MYO9B: variants seen among roughly 807,000 people sequenced by gnomAD.
MYO9B encodes myosin IXB.
A neutral mutation model predicts 229.5 loss-of-function variants in MYO9B; 71 were observed. That is an observed-to-expected ratio of 0.31 (90% CI 0.26 to 0.38). The LOEUF (loss-of-function observed/expected upper bound fraction) is 0.38. Ranked by LOEUF, MYO9B falls within the 10% of genes least tolerant of loss-of-function variation. The probability of loss-of-function intolerance (pLI) is 1.00; values close to 1 mark genes in which losing one functional copy is unlikely to be tolerated. For synonymous variants in MYO9B, 1,185 were observed against 1,235.8 expected (o/e 0.96, Z 0.86); for missense variants, 2,255 against 2,920.5 (o/e 0.77, Z 5.25).
At chr19:17,089,271 T>TAA (rs111698994) in intron 1 of MYO9B, among the ~76,000 whole-genome samples, 1 of 140,570 alleles carries the variant, frequency 7.1e-6, no homozygotes, top group African/African-American at 2.6e-5. Context: ...GCGTTTCTTC[T>TAA]AAAAAAAAAA....
At chr19:17,170,656 A>C (rs1443148252) in intron 11 of MYO9B, among the ~76,000 whole-genome samples, 1 of 25,850 alleles carries the variant, frequency 3.9e-5, no homozygotes, top group Non-Finnish European at 7.4e-5. Context: ...ACAAAAAAAA[A>C]AAAAAAAAAA....
chr19:17,104,579 C>CT (rs1320050642), intron 2 of MYO9B, among the ~76,000 whole-genome samples: 1 of 152,078 alleles, frequency 6.6e-6, no homozygotes, highest in African/African-American at 2.4e-5. Context: ...TGGGATCTGC[C>CT]TTTTTTTCAT....
rs2072510475 is a variant in MYO9B at position 17,154,058 on chromosome 19, C to T, written c.1090C>T (p.Leu364Phe). ...QLKQPEDYFYLNQHNLKIEDG... is the reference protein window; with the variant it reads ...QLKQPEDYFYFNQHNLKIEDG... ...CAAGCAGCCTGAAGATTATTTCTAC[C>T]TCAACCAGGTAAACAGCCTCAAGCC... The change falls in exon 5 of 40, where the codon CTC (leucine) becomes TTC (phenylalanine). Residue 364 changes from leucine (L) to phenylalanine (F), a missense_variant. Leu to Phe is a conservative substitution (Grantham distance 22, BLOSUM62 0). Around this residue, in one of 7 missense-constraint regions of MYO9B, gnomAD observed 386 missense variants for 515.2 expected, o/e 0.75. Transcript: ENST00000682292. 1 of 1,611,798 alleles carries T rather than the reference C, an allele frequency of 6.2e-7. No homozygotes were observed. The highest frequency in any genetic ancestry group is 8.5e-7 in the Non-Finnish European group (1 of 1,179,434).
chr19:17,153,921 C>T, intron 4 of MYO9B, 46 bp from the exon 5 acceptor site: 2 of 1,447,112 alleles, frequency 1.4e-6, no homozygotes, highest in Non-Finnish European at 1.9e-6. Context: ...GTAGCTATTA[C>T]TTGGCCTCCA....
intron 26 of MYO9B, among the ~76,000 whole-genome samples, chr19:17,201,209 G>A (rs2073103436): frequency 6.6e-6 from 1 of 152,154 alleles, no homozygotes; most frequent in Non-Finnish European, 1.5e-5. Context: ...CTCCAGCCTG[G>A]GTGACAGAGC....
At chr19:17,140,527 T>G (rs1424818798) in intron 2 of MYO9B, among the ~76,000 whole-genome samples, 2 of 151,912 alleles carry the variant, frequency 1.3e-5, no homozygotes, top group African/African-American at 4.8e-5. Flanking sequence ...TCACTCTTAT[T>G]GCCCAGGCTG....
In MYO9B at chr19:17,102,565, G is replaced by A; in HGVS notation, c.840+8G>A. 3 of 1,570,742 alleles carry A rather than the reference G, an allele frequency of 1.9e-6. No homozygotes were observed. Among genetic ancestry groups the A allele is most frequent in the Non-Finnish European group, 2.6e-6 (3 of 1,156,636 alleles). ...GCTGGCCCTGTGCTGGAGGTGAGCG[G>A]GGAAGCTGGTCGGTCTGTGGGAGGG... On this transcript the variant is annotated splice_region_variant and intron_variant, in intron 2 of 39. Transcript: ENST00000682292.
intron 2 of MYO9B, among the ~76,000 whole-genome samples, chr19:17,113,583 A>G (rs1466963309): frequency 6.6e-6 from 1 of 152,170 alleles, no homozygotes; most frequent in Non-Finnish European, 1.5e-5. Flanking sequence ...GTGCAAGGAC[A>G]GAAGGAGGAG....
rs976435311 is a variant in MYO9B at position 17,195,379 on chromosome 19, C to T, written c.3952C>T (p.Leu1318=). ...CGTGGAACTGTGGCGGGGCAAGAAG[C>T]TGGTGGCCGCCGCCAGCCCTAGTGC... The part of the protein sequence containing the change: ...SAVELWRGKK[L]VAAASPSAML... Residue 1318 remains leucine (L), a synonymous_variant, in exon 22 of 40, where the codon CTG becomes TTG. Transcript: ENST00000682292. The surrounding 1 kb of genome is among the most constrained non-coding windows in gnomAD (Gnocchi z 4.5). 2.5e-6 allele frequency: 4 copies of T among 1,610,184 alleles called. No individual in the cohort carries two copies. The highest frequency in any genetic ancestry group is 3.4e-6 in the Non-Finnish European group (4 of 1,179,450).
At chr19:17,087,253 G>A (rs1205989404) in intron 1 of MYO9B, among the ~76,000 whole-genome samples, 2 of 152,206 alleles carry the variant, frequency 1.3e-5, no homozygotes, top group African/African-American at 4.8e-5. Flanking sequence ...GGAGGCGGGT[G>A]GCCAGAATGC....
At chr19:17,145,772 A>G (rs1490756589) in intron 3 of MYO9B, among the ~76,000 whole-genome samples, 1 of 151,676 alleles carries the variant, frequency 6.6e-6, no homozygotes, top group Non-Finnish European at 1.5e-5. Context: ...TAAAGTTTCT[A>G]ATTTGGTAGG....
chr19:17,134,392 T>TG (rs2072243095), intron 2 of MYO9B, among the ~76,000 whole-genome samples: 1 of 118,776 alleles, frequency 8.4e-6, no homozygotes, highest in Admixed American at 8.3e-5. Context: ...TTTTTTTTTT[T>TG]TTTTTTTTTT....
At chr19:17,208,899 TC>T in intron 35 of MYO9B, among the ~76,000 whole-genome samples, 3 of 45,002 alleles carry the variant, frequency 6.7e-5, no homozygotes, top group African/African-American at 3.3e-4. Context: ...CCGGACTGAG[TC>T]CCTCTGGTAC....
At chr19:17,098,847 A>C (rs1329891470) in intron 1 of MYO9B, among the ~76,000 whole-genome samples, 1 of 151,704 alleles carries the variant, frequency 6.6e-6, no homozygotes, top group Non-Finnish European at 1.5e-5. Flanking sequence ...AGGTGAGAGG[A>C]TCACATGAGC....
intron 2 of MYO9B, among the ~76,000 whole-genome samples, chr19:17,106,830 A>C (rs1197575142): frequency 6.6e-6 from 1 of 152,214 alleles, no homozygotes; most frequent in African/African-American, 2.4e-5. Context: ...TGGGAGGCCA[A>C]GGCAGGTGGA....
intron 14 of MYO9B, 80 bp downstream of exon 14, chr19:17,175,821 A>ATTTT: frequency 1.1e-6 from 1 of 879,522 alleles, no homozygotes. Context: ...GGAATGCTAC[A>ATTTT]TTCTTTTTTT....
intron 2 of MYO9B, among the ~76,000 whole-genome samples, chr19:17,126,902 T>TCCACCCC (rs2072125325): frequency 1.9e-5 from 2 of 103,046 alleles, no homozygotes; most frequent in Non-Finnish European, 3.9e-5. Context: ...GACCTTGTGA[T>TCCACCCC]CCACCCCCAC....
chr19:17,202,938 T>C, intron 29 of MYO9B, 55 bp downstream of exon 29: 4 of 1,563,696 alleles, frequency 2.6e-6, no homozygotes, highest in Non-Finnish European at 3.5e-6. Flanking sequence ...GGCAGGAGCA[T>C]GCACGTGTGT....
Position 17,202,199 on chromosome 19 carries a change from A to T in MYO9B, c.4732A>T (p.Thr1578Ser). Reference protein sequence around the residue: ...NYQIVVSNLATERGQKDTNLV... With the variant: ...NYQIVVSNLASERGQKDTNLV... ...CCAGATCGTCGTCAGCAACCTGGCC[A>T]CTGAGCGTGGCCAGAAGGACACCAA... Residue 1578 changes from threonine to serine, a missense_variant, in exon 28 of 40, where the codon ACT (threonine) becomes TCT (serine). Transcript: ENST00000682292. 1 of 1,613,338 alleles carries T rather than the reference A, an allele frequency of 6.2e-7. No individual in the cohort carries two copies. The highest frequency in any genetic ancestry group is 8.5e-7 in the Non-Finnish European group (1 of 1,179,610).
Sources: gnomAD v4.1 joint callset for allele counts (sites outside exome capture counted in the v4.1 genomes callset) on GRCh38, gnomAD v4.1.1 for gene constraint, gnomAD v4.1.1 regional missense constraint, Gnocchi (gnomAD v3.1) non-coding constraint, MANE v1.5 for transcripts, NCBI Gene and HGNC (gene_info 2026-07-23, HGNC 2026-07-21) for gene names.